The following TRIO variants were observed in gnomAD, a reference collection of about 807,000 sequenced individuals.
TRIO encodes the protein trio Rho guanine nucleotide exchange factor.
TRIO carries 58 observed loss-of-function variants against 351.9 expected under a neutral mutation model. That is an observed-to-expected ratio of 0.16 (90% CI 0.13 to 0.21). TRIO has a LOEUF of 0.21. Ranked by LOEUF, TRIO falls within the 10% of genes least tolerant of loss-of-function variation. The pLI is 1.00. For synonymous variants in TRIO, 1,758 were observed against 1,595.7 expected, an observed-to-expected ratio of 1.10 and a Z score of -2.42; for missense variants, 3,201 against 4,027.8, an observed-to-expected ratio of 0.79 and a Z score of 5.56.
chr5:14,234,196 T>C (rs529036631), intron 1 of TRIO, among the ~76,000 whole-genome samples: 8 of 152,356 alleles, frequency 5.3e-5, no homozygotes, highest in African/African-American at 1.7e-4. Context: ...TTGACTACTT[T>C]AGGCCCATAG....
At chr5:14,365,036 TG>T (rs1185845726) in intron 15 of TRIO, among the ~76,000 whole-genome samples, 1 of 152,242 alleles carries the variant, frequency 6.6e-6, no homozygotes, top group African/African-American at 2.4e-5. Flanking sequence ...GACAGCTGGC[TG>T]GCTGTTCACC....
At chr5:14,347,535 C>T (rs1215235272) in intron 11 of TRIO, among the ~76,000 whole-genome samples, 1 of 152,242 alleles carries the variant, frequency 6.6e-6, no homozygotes, top group South Asian at 2.1e-4. Context: ...GGAGAGACTG[C>T]TCATCCCAAT....
At chr5:14,189,237 G>C (rs1310139410) in intron 1 of TRIO, among the ~76,000 whole-genome samples, 1 of 152,196 alleles carries the variant, frequency 6.6e-6, no homozygotes, top group African/African-American at 2.4e-5. Context: ...GTACCTGACT[G>C]TCCTGTACTT....
chr5:14,427,882 G>A (rs1750782210), intron 34 of TRIO, among the ~76,000 whole-genome samples: 1 of 152,148 alleles, frequency 6.6e-6, no homozygotes, highest in African/African-American at 2.4e-5. Flanking sequence ...ACAAGAGCCA[G>A]CCACACACTG....
intron 12 of TRIO, 55 bp downstream of exon 12, chr5:14,358,402 C>G: frequency 1.9e-6 from 3 of 1,591,276 alleles, no homozygotes; most frequent in Middle Eastern, 3.4e-4. Context: ...GCCTGTGACT[C>G]CCCTTCCCCT....
intron 1 of TRIO, among the ~76,000 whole-genome samples, chr5:14,214,196 C>T (rs1273200869): frequency 6.6e-6 from 1 of 152,122 alleles, no homozygotes; most frequent in Admixed American, 6.5e-5. Context: ...GTTGACTGGC[C>T]ATCTTGAAGG....
rs1291306310 is a variant in TRIO, at chr5:14,213,376, C to CTA, written c.158-57437_158-57436dup. On this transcript the variant is annotated intron_variant, in intron 1 of 56. Transcript: ENST00000344204. ...TATAAAATTATTTATAATATATGCA[C>CTA]TATATATATATATTAACTTGATAAT... 3.3e-3 allele frequency among the ~76,000 whole-genome samples: 496 copies of CTA among 148,650 alleles called. 2 individuals are homozygous for CTA. The highest frequency in any genetic ancestry group is 0.011 in the African/African-American group (442 of 40,796).
Position 14,504,564 on chromosome 5 carries a change from C to A in TRIO, c.8583C>A (p.Thr2861=). 1.2e-6 allele frequency: 2 copies of A among 1,614,130 alleles called. No homozygotes were observed. Among genetic ancestry groups the A allele is most frequent in the East Asian group, 2.2e-5 (1 of 44,868 alleles). Residue 2861 remains threonine, a synonymous_variant, in exon 55 of 57, where the codon ACC becomes ACA. Coordinates refer to ENST00000344204, the MANE Select transcript of TRIO (RefSeq NM_007118.4). The part of the protein sequence containing the change: ...LLVGLLDTFE[T]PTSYILVLEM... Reference sequence around the variant, plus strand: ...TCGGCCTCCTCGACACCTTTGAGACCCCCACCAGCTACATCCTGGTCTTAG... The same window carrying A: ...TCGGCCTCCTCGACACCTTTGAGACACCCACCAGCTACATCCTGGTCTTAG...
chr5:14,447,937 TTC>T (rs1421745603), intron 34 of TRIO, among the ~76,000 whole-genome samples: 1 of 152,228 alleles, frequency 6.6e-6, no homozygotes, highest in Non-Finnish European at 1.5e-5. Flanking sequence ...AGAATTAACT[TTC>T]TGTTTCCTTA....
chr5:14,225,510 C>G (rs1792933445), intron 1 of TRIO, among the ~76,000 whole-genome samples: 1 of 152,132 alleles, frequency 6.6e-6, no homozygotes, highest in Non-Finnish European at 1.5e-5. Context: ...GAATCCACTT[C>G]ACTGTGGTTG....
intron 53 of TRIO, chr5:14,498,985 C>T (rs537012134): frequency 2.0e-5 from 5 of 249,922 alleles, no homozygotes; most frequent in Non-Finnish European, 4.0e-5. Context: ...TTTCCGTGCT[C>T]CTAGTACTCA....
At chr5:14,295,011 G>A (rs191023963) in intron 6 of TRIO, among the ~76,000 whole-genome samples, 76 of 152,096 alleles carry the variant, frequency 5.0e-4, no homozygotes, top group Middle Eastern at 3.4e-3. Flanking sequence ...CAATGCATGC[G>A]GGTAGCTCGG....
At chr5:14,333,095 C>G (rs1741057511) in intron 10 of TRIO, among the ~76,000 whole-genome samples, 1 of 152,172 alleles carries the variant, frequency 6.6e-6, no homozygotes, top group Admixed American at 6.5e-5. Context: ...TTCCTGCAGT[C>G]CTCAGCAGCA....
In TRIO at chr5:14,310,508, C is replaced by T. The variant is rs147411608; in HGVS notation, c.1500+5916C>T. 3.5e-4 allele frequency among the ~76,000 whole-genome samples: 54 copies of T among 152,366 alleles called. No individual in the cohort carries two copies. The East Asian group carries it at 0.01, about 28-fold the overall frequency. On this transcript the variant is annotated intron_variant, in intron 8 of 56. Coordinates refer to ENST00000344204, the MANE Select transcript of TRIO (RefSeq NM_007118.4). ...CTCATGGGAATGACTGATTTGCTGC[C>T]TGCAAAGCTGGTTGAGCTCCTGTTT... is the stretch of plus-strand genomic sequence containing the variant.
intron 13 of TRIO, 67 bp downstream of exon 13, chr5:14,359,598 C>T (rs987826198): frequency 1.9e-5 from 29 of 1,563,258 alleles, no homozygotes; most frequent in African/African-American, 2.7e-5. Flanking sequence ...AGCACCGGCG[C>T]CCTCTTGTCT....
chr5:14,373,133 G>A (rs1186754288), intron 18 of TRIO, among the ~76,000 whole-genome samples: 2 of 152,106 alleles, frequency 1.3e-5, no homozygotes, highest in African/African-American at 4.8e-5. Flanking sequence ...CAGCATGGGG[G>A]ACCACCCCCA....
intron 7 of TRIO, among the ~76,000 whole-genome samples, chr5:14,302,642 A>G (rs1738000864): frequency 6.6e-6 from 1 of 152,248 alleles, no homozygotes; most frequent in African/African-American, 2.4e-5. Flanking sequence ...ATTTCCATAA[A>G]CAGTTATTAT....
intron 35 of TRIO, 133 bp downstream of exon 35, chr5:14,461,444 GTC>G: frequency 1.6e-6 from 2 of 1,282,360 alleles, no homozygotes; most frequent in South Asian, 3.4e-5. Flanking sequence ...TACCATTCAA[GTC>G]TCTGCTTAGC....
At chr5:14,247,642 T>G (rs1310090309) in intron 1 of TRIO, among the ~76,000 whole-genome samples, 1 of 152,218 alleles carries the variant, frequency 6.6e-6, no homozygotes, top group Non-Finnish European at 1.5e-5. Flanking sequence ...GCACTTAAAA[T>G]AGGTGTTAAT....
Sources: gnomAD v4.1 joint callset for allele counts (sites outside exome capture counted in the v4.1 genomes callset) on GRCh38, gnomAD v4.1.1 for gene constraint, MANE v1.5 for transcripts, NCBI Gene and HGNC (gene_info 2026-07-23, HGNC 2026-07-21) for gene names.